Variants in DOCK8 observed in about 807,000 individuals in gnomAD.
The protein encoded by DOCK8 is dedicator of cytokinesis 8, also known as dedicator of cytokinesis protein 8.
A neutral mutation model predicts 245.6 loss-of-function variants in DOCK8; 141 were observed. The observed-to-expected ratio is 0.57, with a 90% CI of 0.50 to 0.66. The LOEUF (loss-of-function observed/expected upper bound fraction) is 0.66. DOCK8 is among the 30% of genes least tolerant of loss of function. The pLI, the probability that DOCK8 is intolerant of heterozygous loss-of-function variation, is 0.00. For synonymous variants in DOCK8, 1,168 were observed against 970.2 expected, an observed-to-expected ratio of 1.20 and a Z score of -3.79; for missense variants, 2,965 against 2,603.4, an observed-to-expected ratio of 1.14 and a Z score of -3.02.
At chr9:360,322 T>TAAA (rs35203849) in intron 14 of DOCK8, among the ~76,000 whole-genome samples, 1 of 139,248 alleles carries the variant, frequency 7.2e-6, no homozygotes, top group Non-Finnish European at 1.6e-5. Flanking sequence ...TCTCAAAATT[T>TAAA]AAAAAAAAAA....
In DOCK8 at chr9:386,486, C is replaced by A. The variant is rs920596152; in HGVS notation, c.2874+60C>A. The A allele has an allele frequency of 1.0e-5, 15 of 1,447,662 alleles. No homozygotes were observed. In the African/African-American group the frequency reaches 1.5e-4, roughly 15 times the overall value. The allele number at this position is 1,447,662 out of a possible 1,614,324, so 89.7% of individuals were successfully genotyped here. ...ATAAGAACAGAAGGATTTCCTCATG[C>A]CCTCACACTGTGCTTGGGAATAGTC... is the stretch of plus-strand genomic sequence containing the variant. On this transcript the variant is annotated intron_variant, in intron 23 of 47. Coordinates refer to ENST00000432829, the MANE Select transcript of DOCK8 (RefSeq NM_203447.4).
chr9:228,881 T>C (rs2047044673), intron 1 of DOCK8, among the ~76,000 whole-genome samples: 1 of 152,196 alleles, frequency 6.6e-6, no homozygotes, highest in Non-Finnish European at 1.5e-5. Flanking sequence ...GGGTCTAAGA[T>C]GGGCTCACTC....
intron 30 of DOCK8, chr9:420,148 G>C (rs369387492): frequency 1.8e-6 from 1 of 543,134 alleles, no homozygotes; most frequent in African/African-American, 1.9e-5. Flanking sequence ...ACTCAGATAC[G>C]TGGCTGAAAG....
chr9:454,317 C>A (rs577337519), intron 46 of DOCK8: 2 of 152,244 alleles, frequency 1.3e-5, no homozygotes, highest in South Asian at 4.1e-4. Context: ...ATTCACATAA[C>A]TTTTATTTCA....
rs563157398 is a variant in DOCK8, at chr9:271,090, T to C, written c.54-537T>C. On this transcript the variant is annotated intron_variant, in intron 1 of 47. Transcript: ENST00000432829. ...CAAAGGATCACTGAACTAGGAGCAG[T>C]TGGGAAAAAATACAATCATTGGGAA... is the stretch of plus-strand genomic sequence containing the variant. 7.2e-5 allele frequency among the ~76,000 whole-genome samples: 11 copies of C among 152,180 alleles called. 1 individual carries two copies. In the South Asian group the frequency reaches 1.9e-3, roughly 26 times the overall value.
At chr9:295,425 T>G (rs1416412389) in intron 4 of DOCK8, among the ~76,000 whole-genome samples, 1 of 152,108 alleles carries the variant, frequency 6.6e-6, no homozygotes, top group African/African-American at 2.4e-5. Context: ...TCCCTCCAAG[T>G]GAAATACTTT....
At chr9:227,934 AC>A (rs1457159908) in intron 1 of DOCK8, among the ~76,000 whole-genome samples, 1 of 152,174 alleles carries the variant, frequency 6.6e-6, no homozygotes, top group Non-Finnish European at 1.5e-5. Flanking sequence ...GAGGGTAGTT[AC>A]AAAGATCACA....
chr9:234,428 A>G (rs1416737766), intron 1 of DOCK8, among the ~76,000 whole-genome samples: 1 of 152,062 alleles, frequency 6.6e-6, no homozygotes, highest in Non-Finnish European at 1.5e-5. Context: ...TATTTTCTGA[A>G]TTTCAGTGTT....
chr9:425,450 T>G (rs575350759), intron 33 of DOCK8, among the ~76,000 whole-genome samples: 424 of 148,032 alleles, frequency 2.9e-3, no homozygotes, highest in Middle Eastern at 7.0e-3. Context: ...GAGAATGGCG[T>G]GAACCCGGGA....
Position 317,146 on chromosome 9 carries a change from C to G in DOCK8, c.827+18C>G. On this transcript the variant is annotated intron_variant, in intron 7 of 47. Coordinates refer to ENST00000432829, the MANE Select transcript of DOCK8 (RefSeq NM_203447.4). ...ACCTTGAAGTAAGTATCAACAAACA[C>G]ACTGCCACCGCTTTGAGATTTATCT... 1 of 1,548,328 alleles carries G rather than the reference C, an allele frequency of 6.5e-7. No individual in the cohort carries two copies. The highest frequency in any genetic ancestry group is 8.9e-7 in the Non-Finnish European group (1 of 1,120,184).
intron 1 of DOCK8, among the ~76,000 whole-genome samples, chr9:267,477 A>G (rs1298831068): frequency 6.6e-6 from 1 of 152,230 alleles, no homozygotes; most frequent in Non-Finnish European, 1.5e-5. Flanking sequence ...AAGTGCTGGG[A>G]TTACAGGCAT....
chr9:437,306 C>G (rs911890897), intron 39 of DOCK8, among the ~76,000 whole-genome samples: 1 of 152,208 alleles, frequency 6.6e-6, no homozygotes, highest in Non-Finnish European at 1.5e-5. Context: ...TCATTCTTCA[C>G]AGGCTTCCCA....
chr9:452,616 T>A (rs550090407), intron 46 of DOCK8: 1 of 153,146 alleles, frequency 6.5e-6, no homozygotes, highest in South Asian at 2.0e-4. Flanking sequence ...ACTGATGCAC[T>A]AGAGTCCCAG....
chr9:246,887 A>G (rs376432702), intron 1 of DOCK8, among the ~76,000 whole-genome samples: 3 of 152,192 alleles, frequency 2.0e-5, no homozygotes, highest in South Asian at 4.2e-4. Context: ...AGTAGCTGGG[A>G]CTATAGGCAC....
intron 33 of DOCK8, among the ~76,000 whole-genome samples, chr9:424,758 C>CT (rs2056418595): frequency 6.6e-6 from 1 of 152,122 alleles, no homozygotes; most frequent in African/African-American, 2.4e-5. Context: ...GATGGTTGCA[C>CT]AATATGAATG....
chr9:416,776 T>C (rs2056036464), intron 29 of DOCK8, among the ~76,000 whole-genome samples: 1 of 152,226 alleles, frequency 6.6e-6, no homozygotes, highest in South Asian at 2.1e-4. Context: ...CTTTTAGGTT[T>C]ACGATAAAGG....
At chr9:318,487 T>A (rs2050444735) in intron 7 of DOCK8, among the ~76,000 whole-genome samples, 1 of 152,302 alleles carries the variant, frequency 6.6e-6, no homozygotes, top group Non-Finnish European at 1.5e-5. Context: ...CTTCTATGAT[T>A]CTAACGCATA....
At chr9:231,452 G>A (rs1470759552) in intron 1 of DOCK8, among the ~76,000 whole-genome samples, 1 of 152,180 alleles carries the variant, frequency 6.6e-6, no homozygotes, top group Non-Finnish European at 1.5e-5. Flanking sequence ...GTCATTGGTA[G>A]CTTGATGCGG....
rs1437678135 is a variant in DOCK8, at chr9:396,882, T to C, written c.3068T>C (p.Ile1023Thr). The C allele has an allele frequency of 1.2e-6, 2 of 1,614,116 alleles. No individual in the cohort carries two copies. The highest frequency in any genetic ancestry group is 3.3e-5 in the Admixed American group (2 of 60,018). ...CGTTTCATGGATGACATAACTACTATTGTTAATGTGGTCACCTCGGAAATT... is the reference window on the plus strand; with the variant it reads ...CGTTTCATGGATGACATAACTACTACTGTTAATGTGGTCACCTCGGAAATT... ...SDRFMDDITT[I>T]VNVVTSEIAA... The change falls in exon 25 of 48, where the codon ATT becomes ACT. Residue 1023 changes from isoleucine to threonine, a missense_variant. Around this residue, in one of 3 missense-constraint regions of DOCK8, gnomAD observed 2,825 missense variants for 2,453.5 expected, o/e 1.15. Coordinates refer to ENST00000432829, the MANE Select transcript of DOCK8 (RefSeq NM_203447.4).
Sources: allele counts gnomAD v4.1 joint callset (sites outside exome capture counted in the v4.1 genomes callset), GRCh38; gene constraint gnomAD v4.1.1; regional missense constraint gnomAD v4.1.1; transcripts MANE v1.5; gene names NCBI Gene and HGNC (gene_info 2026-07-23, HGNC 2026-07-21).